The following MOB1A variants were observed in gnomAD, a reference collection of about 807,000 sequenced individuals.
The protein encoded by MOB1A is MOB kinase activator 1A.
MOB1A carries 10 observed loss-of-function variants against 25.1 expected under a neutral mutation model. That is an observed-to-expected ratio of 0.40 (90% CI 0.25 to 0.68). The LOEUF (loss-of-function observed/expected upper bound fraction) is 0.68. Among genes scored for constraint, MOB1A ranks in the 30% least tolerant of loss-of-function variants. MOB1A has a pLI of 0.40. For synonymous variants in MOB1A, 81 were observed against 79.5 expected (o/e 1.02, Z -0.10); for missense variants, 177 against 256.3 (o/e 0.69, Z 2.11).
chr2:74,156,395 C>T lies in MOB1A; in HGVS notation c.*173G>A, dbSNP rs1009552952. ...TTGGCTGTGTCCTTAAGGTCTTACT[C>T]GGAAACTATCACACCAACCTACCTT... is the stretch of plus-strand genomic sequence containing the variant. On this transcript the variant is annotated 3_prime_UTR_variant, in exon 6 of 6. Coordinates refer to ENST00000396049, the MANE Select transcript of MOB1A (RefSeq NM_018221.5). The T allele has an allele frequency of 1.1e-5, 7 of 626,228 alleles. No homozygotes were observed. Among genetic ancestry groups the T allele is most frequent in the Non-Finnish European group, 1.4e-5 (5 of 354,192 alleles). 38.8% of individuals were successfully genotyped at this position (626,228 alleles called of 1,614,324 possible). A position where few individuals can be genotyped will look rare whatever the true frequency, so the allele number is the denominator to read the frequency against.
chr2:74,174,750 T>C (rs935195485), intron 1 of MOB1A, among the ~76,000 whole-genome samples: 2 of 152,200 alleles, frequency 1.3e-5, no homozygotes, highest in African/African-American at 4.8e-5. Flanking sequence ...ATAAAAGTAC[T>C]TGTAACATAT....
rs1693559839 is a variant in MOB1A at position 74,178,862 on chromosome 2, A to T, written c.-188T>A. 2 of 381,828 alleles carry T rather than the reference A, an allele frequency of 5.2e-6. No individual in the cohort carries two copies. The highest frequency in any genetic ancestry group is 7.5e-5 in the East Asian group (2 of 26,686). 23.7% of individuals were successfully genotyped at this position (381,828 alleles called of 1,614,324 possible). A position where few individuals can be genotyped will look rare whatever the true frequency, so the allele number is the denominator to read the frequency against. On this transcript the variant is annotated 5_prime_UTR_variant, in exon 1 of 6. Transcript: ENST00000396049. ...GGCGCCCGCCTTGCCCGCCTACCCC[A>T]CCTCGCAGACCCGAAATGCGGAACC...
intron 1 of MOB1A, among the ~76,000 whole-genome samples, chr2:74,177,108 T>A (rs1426948392): frequency 6.6e-6 from 1 of 151,028 alleles, no homozygotes; most frequent in African/African-American, 2.4e-5. Flanking sequence ...AGGTCAGGAG[T>A]TCGAGACCAG....
In MOB1A at chr2:74,176,086, ACACACAC is replaced by A. The variant is rs1558840615; in HGVS notation, c.14+2568_14+2574del. The stretch of plus-strand genomic sequence containing the variant: ...CATAGTGAAACCCCGCCTCTACTAC[ACACACAC>A]ACACACACACACACACACACACACA... On this transcript the variant is annotated intron_variant, in intron 1 of 5. Coordinates refer to ENST00000396049, the MANE Select transcript of MOB1A (RefSeq NM_018221.5). Among the ~76,000 whole-genome samples, 481 of 69,670 alleles carry A rather than the reference ACACACAC, an allele frequency of 6.9e-3. 1 individual carries two copies. The highest frequency in any genetic ancestry group is 0.012 in the Non-Finnish European group (311 of 26,842). The allele number at this position is 69,670 out of a possible 152,430, so 45.7% of individuals were successfully genotyped here.
chr2:74,159,147 G>A lies in MOB1A; in HGVS notation c.517C>T (p.Leu173=), dbSNP rs774106958. The change falls in exon 5 of 6, where the codon CTG becomes TTG. Residue 173 remains leucine, a synonymous_variant. Coordinates refer to ENST00000396049, the MANE Select transcript of MOB1A (RefSeq NM_018221.5). ...GTGTTGAGGTGGGCCTCCTCTTGCAGCTGCATCACAGAATCAAAGTGCTGG... is the reference window on the plus strand; with the variant it reads ...GTGTTGAGGTGGGCCTCCTCTTGCAACTGCATCACAGAATCAAAGTGCTGG... The part of the protein sequence containing the change: ...YHQHFDSVMQ[L]QEEAHLNTSF... 6.2e-7 allele frequency: 1 copy of A among 1,613,980 alleles called. No individual in the cohort carries two copies. The highest frequency in any genetic ancestry group is 1.7e-5 in the Admixed American group (1 of 60,018).
intron 2 of MOB1A, 108 bp from the exon 3 acceptor site, chr2:74,167,215 G>A: frequency 2.7e-6 from 2 of 743,892 alleles, no homozygotes; most frequent in East Asian, 2.5e-5. Flanking sequence ...CTGAACCCTT[G>A]AGACATTCAA....
intron 2 of MOB1A, among the ~76,000 whole-genome samples, chr2:74,167,860 G>C (rs933702605): frequency 2.6e-5 from 4 of 152,200 alleles, no homozygotes; most frequent in Non-Finnish European, 5.9e-5. Flanking sequence ...GATATGGCCA[G>C]GCATGGTGGC....
intron 2 of MOB1A, among the ~76,000 whole-genome samples, chr2:74,169,432 G>A: frequency 6.6e-6 from 1 of 152,034 alleles, no homozygotes; most frequent in East Asian, 1.9e-4. Context: ...AAGCCAGGAG[G>A]CAGCTGCAGT....
At chr2:74,161,391 C>A (rs1468243494) in intron 4 of MOB1A, among the ~76,000 whole-genome samples, 1 of 151,698 alleles carries the variant, frequency 6.6e-6, no homozygotes, top group Non-Finnish European at 1.5e-5. Context: ...TGCCTGTAAT[C>A]CCAGCACTTT....
intron 5 of MOB1A, among the ~76,000 whole-genome samples, chr2:74,157,726 C>T (rs1199061481): frequency 2.0e-5 from 3 of 152,032 alleles, no homozygotes; most frequent in African/African-American, 7.2e-5. Context: ...GTCACAGAAG[C>T]GTTCTGTGTG....
At position 74,156,444 on chromosome 2, in the gene MOB1A, C is replaced by G; in HGVS notation, c.*124G>C. ...TTTGGGATAATTTTATCAGTAGACA[C>G]AGGCAATGGGTATCTTTTTATCCTG... On this transcript the variant is annotated 3_prime_UTR_variant, in exon 6 of 6. Transcript: ENST00000396049. 1 of 776,344 alleles carries G rather than the reference C, an allele frequency of 1.3e-6. No individual in the cohort carries two copies. Among genetic ancestry groups the G allele is most frequent in the South Asian group, 1.6e-5 (1 of 62,414 alleles). 48.1% of individuals were successfully genotyped at this position (776,344 alleles called of 1,614,324 possible). A position where few individuals can be genotyped will look rare whatever the true frequency, so the allele number is the denominator to read the frequency against.
In MOB1A at chr2:74,159,271, A is replaced by T; in HGVS notation, c.410-17T>A. Reference sequence around the variant, plus strand: ...ATGGGACACCTGCAATTAAATACACATATGAAACAATTATTTGGTTATCTA... The same window carrying T: ...ATGGGACACCTGCAATTAAATACACTTATGAAACAATTATTTGGTTATCTA... On this transcript the variant is annotated splice_polypyrimidine_tract_variant and intron_variant, in intron 4 of 5. Transcript: ENST00000396049. 1 of 1,605,698 alleles carries T rather than the reference A, an allele frequency of 6.2e-7. No homozygotes were observed. The highest frequency in any genetic ancestry group is 1.1e-5 in the South Asian group (1 of 90,496).
At chr2:74,175,158 T>C (rs990902110) in intron 1 of MOB1A, among the ~76,000 whole-genome samples, 2 of 152,220 alleles carry the variant, frequency 1.3e-5, no homozygotes, top group African/African-American at 4.8e-5. Flanking sequence ...TACTGTGAAC[T>C]GTGCATGCAA....
chr2:74,173,454 C>T (rs998110413), intron 1 of MOB1A, among the ~76,000 whole-genome samples: 3 of 143,368 alleles, frequency 2.1e-5, no homozygotes, highest in African/African-American at 7.7e-5. Context: ...AATCTCGGCT[C>T]ACTGCAATCT....
rs1692763630 is a variant in MOB1A, at chr2:74,155,000, T to G, written c.*1568A>C. On this transcript the variant is annotated 3_prime_UTR_variant, in exon 6 of 6. Transcript: ENST00000396049. ...TTAAAATGGAGTTTCTAAGTAATTA[T>G]TTTCTTTATAGTTTAGTGGAGTAAG... 6.6e-6 allele frequency: 1 copy of G among 152,220 alleles called. No individual in the cohort carries two copies. Among genetic ancestry groups the G allele is most frequent in the South Asian group, 2.1e-4 (1 of 4,836 alleles). 9.4% of individuals were successfully genotyped at this position (152,220 alleles called of 1,614,324 possible).
intron 4 of MOB1A, among the ~76,000 whole-genome samples, chr2:74,161,895 C>G (rs911069867): frequency 1.0e-4 from 15 of 150,336 alleles, no homozygotes; most frequent in Admixed American, 3.3e-4. Context: ...AGGTCAAGTC[C>G]ACAGTGAGCT....
chr2:74,175,254 G>C (rs554271573), intron 1 of MOB1A, among the ~76,000 whole-genome samples: 3 of 152,340 alleles, frequency 2.0e-5, no homozygotes, highest in Admixed American at 2.0e-4. Flanking sequence ...GGATTGTCTA[G>C]TTGCTCAGAG....
Position 74,156,503 on chromosome 2 carries a change from G to A in MOB1A, c.*65C>T, listed in dbSNP as rs11540640. The stretch of plus-strand genomic sequence containing the variant: ...AAGTTTGTATCACTAGTCTATAACA[G>A]ATAGCAATGAGATAGTTCTAGCAAT... On this transcript the variant is annotated 3_prime_UTR_variant, in exon 6 of 6. Coordinates refer to ENST00000396049, the MANE Select transcript of MOB1A (RefSeq NM_018221.5). 148,475 of 1,152,272 alleles carry A rather than the reference G, an allele frequency of 0.13. 12,245 individuals carry two copies. The highest frequency in any genetic ancestry group is 0.36 in the East Asian group (14,086 of 38,936). 71.4% of individuals were successfully genotyped at this position (1,152,272 alleles called of 1,614,324 possible).
chr2:74,164,329 G>T (rs1240810133), intron 4 of MOB1A: 1 of 152,144 alleles, frequency 6.6e-6, no homozygotes, highest in African/African-American at 2.4e-5. Context: ...GACCAGCCTG[G>T]CCAACATGGT....
Sources: gnomAD v4.1 joint callset for allele counts (sites outside exome capture counted in the v4.1 genomes callset) on GRCh38, gnomAD v4.1.1 for gene constraint, MANE v1.5 for transcripts, NCBI Gene and HGNC (gene_info 2026-07-23, HGNC 2026-07-21) for gene names.